Variants in COL6A5 observed in about 807,000 individuals in gnomAD.
The protein encoded by COL6A5 is collagen type VI alpha 5 chain.
COL6A5 carries 48 observed loss-of-function variants against 65.6 expected under a neutral mutation model. The observed-to-expected ratio is 0.73, with a 90% CI of 0.58 to 0.93. COL6A5 has a LOEUF of 0.93. Ranked by LOEUF, COL6A5 falls within the 40% of genes least tolerant of loss-of-function variation. The pLI, the probability that COL6A5 is intolerant of heterozygous loss-of-function variation, is 0.00. For synonymous variants in COL6A5, 291 were observed against 322.8 expected, an observed-to-expected ratio of 0.90 and a Z score of 1.05; for missense variants, 914 against 928.3, an observed-to-expected ratio of 0.98 and a Z score of 0.20.
chr3:130,483,925 A>G, intron 7 of COL6A5, 110 bp from the exon 41 acceptor site: 1 of 944,118 alleles, frequency 1.1e-6, no homozygotes, highest in Non-Finnish European at 1.6e-6. Flanking sequence ...TGAAAATGAC[A>G]AAAATATTGT....
chr3:130,384,235 A>G (rs1039210904), intron 4 of COL6A5, among the ~76,000 whole-genome samples: 4 of 152,146 alleles, frequency 2.6e-5, no homozygotes, highest in African/African-American at 4.8e-5. Context: ...GTTGGAACAC[A>G]GTGAGGGAGA....
upstream of COL6A5, chr3:130,426,510 A>G: frequency 9.0e-7 from 1 of 1,105,888 alleles, no homozygotes; most frequent in Non-Finnish European, 1.3e-6. Flanking sequence ...CACTGGTGGG[A>G]AGCCTCTGTA....
At chr3:130,381,718 T>G (rs894778345) in intron 4 of COL6A5, among the ~76,000 whole-genome samples, 1 of 152,122 alleles carries the variant, frequency 6.6e-6, no homozygotes, top group African/African-American at 2.4e-5. Context: ...AACTGGAATT[T>G]GGCAGCACAC....
At chr3:130,438,067 T>C (rs1577509291) in intron 1 of COL6A5, among the ~76,000 whole-genome samples, 1 of 152,156 alleles carries the variant, frequency 6.6e-6, no homozygotes, top group African/African-American at 2.4e-5. Flanking sequence ...GGCACGATCT[T>C]GGCTCACTGT....
At chr3:130,346,182 T>G (rs992861949) in intron 1 of COL6A5, among the ~76,000 whole-genome samples, 2 of 152,234 alleles carry the variant, frequency 1.3e-5, no homozygotes, top group African/African-American at 4.8e-5. Context: ...CTTAGAGCAG[T>G]GCTATCCGAA....
At chr3:130,471,632 G>A (rs1257967847) in intron 7 of COL6A5, 50 bp from the exon 40 acceptor site, 5 of 1,498,464 alleles carry the variant, frequency 3.3e-6, no homozygotes, top group Non-Finnish European at 3.6e-6. Context: ...ATTTAATCTT[G>A]CAGGGGACTT....
intron 4 of COL6A5, 91 bp from the exon 5 acceptor site, chr3:130,384,713 A>G: frequency 2.9e-6 from 3 of 1,048,404 alleles, no homozygotes; most frequent in Non-Finnish European, 4.1e-6. Flanking sequence ...TTCATTCTTT[A>G]GAAATGCCTC....
chr3:130,447,269 A>G (rs1243988256), intron 4 of COL6A5, among the ~76,000 whole-genome samples: 1 of 152,156 alleles, frequency 6.6e-6, no homozygotes, highest in Non-Finnish European at 1.5e-5. Flanking sequence ...ACATGCACAT[A>G]TGACAGTCCA....
chr3:130,392,274 A>C (rs1307695335), intron 7 of COL6A5, among the ~76,000 whole-genome samples: 1 of 152,174 alleles, frequency 6.6e-6, no homozygotes, highest in Non-Finnish European at 1.5e-5. Context: ...GGTAAGCGCC[A>C]CCTGTGCAGA....
Position 130,402,098 on chromosome 3 carries a change from A to T in COL6A5, c.4227+244A>T, listed in dbSNP as rs149541408. ...GTTGCTTCTTGGTTTTGCAATTTAT[A>T]CTTTTGTACCTGCTTTAGAAAGTTT... On this transcript the variant is annotated intron_variant and NMD_transcript_variant, in intron 12 of 41. Coordinates refer to the COL6A5 transcript ENST00000312481. Among the ~76,000 whole-genome samples, 392 of 152,270 alleles carry T rather than the reference A, an allele frequency of 2.6e-3. 7 individuals are homozygous for T. The highest frequency in any genetic ancestry group is 0.02 in the Admixed American group (308 of 15,290).
chr3:130,434,468 G>A (rs1328354278), intron 1 of COL6A5, among the ~76,000 whole-genome samples: 1 of 152,076 alleles, frequency 6.6e-6, no homozygotes, highest in Non-Finnish European at 1.5e-5. Context: ...GGGGTTTCTG[G>A]GTCAAATAGT....
intron 2 of COL6A5, 146 bp downstream of exon 2, chr3:130,373,851 C>A: frequency 1.6e-6 from 1 of 614,292 alleles, no homozygotes; most frequent in South Asian, 2.4e-5. Flanking sequence ...ACAAACTTAA[C>A]TTGTGAAAGA....
chr3:130,391,825 T>C (rs1936414071), intron 7 of COL6A5, 71 bp downstream of exon 7: 8 of 1,170,854 alleles, frequency 6.8e-6, no homozygotes, highest in Non-Finnish European at 9.5e-6. Context: ...ATCATAAGTC[T>C]CAGGTCTCCG....
At chr3:130,368,325 G>A (rs2107629314) in intron 1 of COL6A5, among the ~76,000 whole-genome samples, 1 of 152,296 alleles carries the variant, frequency 6.6e-6, no homozygotes, top group Admixed American at 6.5e-5. Flanking sequence ...AATTCCTTCT[G>A]TGTGAGGTTT....
chr3:130,426,880 A>G (rs1437997106), upstream of COL6A5, among the ~76,000 whole-genome samples: 1 of 152,116 alleles, frequency 6.6e-6, no homozygotes. Context: ...AGTCAACATA[A>G]AGAGGTTGTC....
At chr3:130,457,927 G>C (rs1224813163) in intron 5 of COL6A5, among the ~76,000 whole-genome samples, 1 of 152,100 alleles carries the variant, frequency 6.6e-6, no homozygotes, top group Non-Finnish European at 1.5e-5. Flanking sequence ...TCCATATGCT[G>C]TGTTTGTTAC....
intron 5 of COL6A5, among the ~76,000 whole-genome samples, chr3:130,465,894 T>G (rs972948586): frequency 1.3e-5 from 2 of 152,026 alleles, no homozygotes; most frequent in African/African-American, 4.8e-5. Flanking sequence ...AAAACCATTG[T>G]GTCTAAGAGG....
intron 4 of COL6A5, among the ~76,000 whole-genome samples, chr3:130,450,265 G>C (rs1709401813): frequency 6.6e-6 from 1 of 152,150 alleles, no homozygotes; most frequent in Admixed American, 6.5e-5. Context: ...GTGGCAGGGG[G>C]TTTCCATCTA....
upstream of COL6A5, among the ~76,000 whole-genome samples, chr3:130,430,905 G>A (rs1394875822): frequency 2.0e-5 from 3 of 152,132 alleles, no homozygotes; most frequent in Non-Finnish European, 2.9e-5. Context: ...ATTTCACAGT[G>A]AATGTTATGC....
Sources: allele counts gnomAD v4.1 joint callset (sites outside exome capture counted in the v4.1 genomes callset), GRCh38; gene constraint gnomAD v4.1.1; transcripts MANE v1.5; gene names NCBI Gene and HGNC (gene_info 2026-07-23, HGNC 2026-07-21).